Variants in ADGRL2 observed in about 807,000 individuals in gnomAD.
ADGRL2 encodes adhesion G protein-coupled receptor L2.
In ADGRL2, 44 loss-of-function variants were observed where a neutral mutation model predicts 157.4. The ratio of observed to expected loss-of-function variants is 0.28; its 90% CI spans 0.22 to 0.36. The LOEUF (loss-of-function observed/expected upper bound fraction) is 0.36. Ranked by LOEUF, ADGRL2 falls within the 10% of genes least tolerant of loss-of-function variation. ADGRL2 has a pLI of 1.00. For synonymous variants in ADGRL2, 585 were observed against 624.7 expected (o/e 0.94, Z 0.95); for missense variants, 1,510 against 1,768.9 (o/e 0.85, Z 2.63).
chr1:81,498,548 G>A (rs900640810), intron 2 of ADGRL2, among the ~76,000 whole-genome samples: 1 of 152,180 alleles, frequency 6.6e-6, no homozygotes, highest in Non-Finnish European at 1.5e-5. Context: ...TAAGCAAAGA[G>A]CCGGAACATC....
intron 3 of ADGRL2, among the ~76,000 whole-genome samples, chr1:81,646,386 G>A (rs1040598920): frequency 1.3e-5 from 2 of 152,172 alleles, no homozygotes; most frequent in African/African-American, 2.4e-5. Flanking sequence ...CCCTGGTCAC[G>A]ATCCACTAGG....
intron 3 of ADGRL2, among the ~76,000 whole-genome samples, chr1:81,665,597 C>A (rs2082736174): frequency 1.3e-5 from 2 of 152,148 alleles, no homozygotes; most frequent in Middle Eastern, 6.8e-3. Flanking sequence ...GTTAATATTC[C>A]TGTTGAGAAG....
chr1:81,765,251 G>A (rs1056951305), intron 2 of ADGRL2, among the ~76,000 whole-genome samples: 1 of 151,764 alleles, frequency 6.6e-6, no homozygotes, highest in Non-Finnish European at 1.5e-5. Context: ...GTTATACTGG[G>A]AAATCAAATG....
chr1:81,907,884 A>G (rs927380510), intron 3 of ADGRL2, among the ~76,000 whole-genome samples: 5 of 152,216 alleles, frequency 3.3e-5, no homozygotes, highest in Admixed American at 1.3e-4. Flanking sequence ...GTAGTATCAT[A>G]CAGAATACCT....
At chr1:81,404,017 C>A (rs935119074) in intron 1 of ADGRL2, among the ~76,000 whole-genome samples, 1 of 151,964 alleles carries the variant, frequency 6.6e-6, no homozygotes, top group Non-Finnish European at 1.5e-5. Flanking sequence ...AGGTTGGTCT[C>A]GATCTCTTGA....
At chr1:81,747,033 C>CATATATAT (rs1557615869) in intron 1 of ADGRL2, among the ~76,000 whole-genome samples, 18 of 143,050 alleles carry the variant, frequency 1.3e-4, no homozygotes, top group Non-Finnish European at 2.4e-4. Context: ...CGTGTATATA[C>CATATATAT]GTATATATAT....
intron 2 of ADGRL2, among the ~76,000 whole-genome samples, chr1:81,904,162 G>A (rs1013993534): frequency 9.9e-5 from 15 of 152,090 alleles, no homozygotes; most frequent in African/African-American, 3.6e-4. Flanking sequence ...GCTATTGTAG[G>A]CATTGAGATT....
chr1:81,546,406 G>T (rs1375022355), intron 2 of ADGRL2, among the ~76,000 whole-genome samples: 3 of 152,098 alleles, frequency 2.0e-5, no homozygotes, highest in Non-Finnish European at 4.4e-5. Context: ...AGTTAATTTG[G>T]ATCTAAAGAG....
intron 1 of ADGRL2, among the ~76,000 whole-genome samples, chr1:81,376,310 A>G (rs1459717036): frequency 6.6e-6 from 1 of 152,178 alleles, no homozygotes; most frequent in Non-Finnish European, 1.5e-5. Flanking sequence ...TGAGAAGGGA[A>G]CAGCAGAGTG....
chr1:81,590,598 AATCTCTCTG>A (rs1320466020), intron 3 of ADGRL2, among the ~76,000 whole-genome samples: 1 of 152,064 alleles, frequency 6.6e-6, no homozygotes, highest in African/African-American at 2.4e-5. Context: ...ACAATGTTGG[AATCTCTCTG>A]ATCAGCAAAT....
At chr1:81,783,095 C>A (rs2149387703) in intron 2 of ADGRL2, among the ~76,000 whole-genome samples, 1 of 152,288 alleles carries the variant, frequency 6.6e-6, no homozygotes, top group South Asian at 2.1e-4. Context: ...TGCATATAGG[C>A]ATACTTTGCC....
chr1:81,684,944 G>GTAAGTATT (rs1390508969), intron 3 of ADGRL2, among the ~76,000 whole-genome samples: 3 of 152,168 alleles, frequency 2.0e-5, no homozygotes, highest in Non-Finnish European at 4.4e-5. Flanking sequence ...TCAGTTGGCT[G>GTAAGTATT]TAAGTATTTG....
At chr1:81,591,946 C>G (rs1325287907) in intron 3 of ADGRL2, among the ~76,000 whole-genome samples, 1 of 152,160 alleles carries the variant, frequency 6.6e-6, no homozygotes, top group Non-Finnish European at 1.5e-5. Flanking sequence ...AAGCAGAGGA[C>G]TTAACTAAGA....
chr1:81,539,682 G>C (rs534314442), intron 2 of ADGRL2, among the ~76,000 whole-genome samples: 1 of 151,978 alleles, frequency 6.6e-6, no homozygotes, highest in East Asian at 1.9e-4. Flanking sequence ...GACTGACAAC[G>C]TAAGGACTCT....
chr1:81,557,033 A>AG (rs1328076846), intron 2 of ADGRL2: 4 of 178,112 alleles, frequency 2.2e-5, no homozygotes, highest in African/African-American at 9.8e-5. Flanking sequence ...AAAAAAAAAA[A>AG]AAGAAAGAAA....
chr1:81,438,716 C>A (rs2077454159), intron 1 of ADGRL2, among the ~76,000 whole-genome samples: 1 of 152,128 alleles, frequency 6.6e-6, no homozygotes, highest in East Asian at 1.9e-4. Flanking sequence ...ACCTGGGTTT[C>A]CTTTTGGCTC....
intron 2 of ADGRL2, among the ~76,000 whole-genome samples, chr1:81,464,848 T>C (rs370491376): frequency 4.0e-5 from 6 of 149,124 alleles, no homozygotes; most frequent in African/African-American, 1.5e-4. Context: ...GCAATATCCG[T>C]GATATTCAAA....
At chr1:81,976,969 A>T (rs1660355165) in intron 17 of ADGRL2, among the ~76,000 whole-genome samples, 1 of 151,852 alleles carries the variant, frequency 6.6e-6, no homozygotes, top group African/African-American at 2.4e-5. Flanking sequence ...TTTTTATAGA[A>T]ATGGAAACTT....
Position 81,397,313 on chromosome 1 carries a change from C to CTTTTT in ADGRL2, c.-301-47702_-301-47698dup, listed in dbSNP as rs59449077. On this transcript the variant is annotated intron_variant, in intron 1 of 24. Coordinates refer to the ADGRL2 transcript ENST00000370721. ...TCTGTGGTATTAGTTATAATGTCTC[C>CTTTTT]TTTTTTTTTTTTTTTTTTTTTTTTT... is the stretch of plus-strand genomic sequence containing the variant. 1.1e-3 allele frequency among the ~76,000 whole-genome samples: 58 copies of CTTTTT among 53,642 alleles called. 2 individuals carry two copies. The highest frequency in any genetic ancestry group is 3.4e-3 in the African/African-American group (46 of 13,422). 35.2% of individuals were successfully genotyped at this position (53,642 alleles called of 152,430 possible).
Sources: gnomAD v4.1 joint callset for allele counts (sites outside exome capture counted in the v4.1 genomes callset) on GRCh38, gnomAD v4.1.1 for gene constraint, MANE v1.5 for transcripts, NCBI Gene and HGNC (gene_info 2026-07-23, HGNC 2026-07-21) for gene names.